Variants in MS4A13 observed in about 807,000 individuals in gnomAD.
MS4A13 encodes the protein membrane spanning 4-domains A13.
Under a neutral mutation model 18.4 loss-of-function variants are expected in MS4A13, and 21 were observed. The ratio of observed to expected loss-of-function variants is 1.14; its 90% CI spans 0.81 to 1.64. MS4A13 has a LOEUF of 1.64. MS4A13 is among the 40% of genes most tolerant of loss of function. MS4A13 has a pLI of 0.00. For missense variants in MS4A13, 173 were observed against 176.8 expected, an observed-to-expected ratio of 0.98 and a Z score of 0.12; for synonymous variants, 62 against 57.2, an observed-to-expected ratio of 1.08 and a Z score of -0.38.
At chr11:60,529,483 G>A in intron 6 of MS4A13, 23 bp downstream of exon 6, 12 of 1,395,256 alleles carry the variant, frequency 8.6e-6, no homozygotes, top group South Asian at 1.3e-5. Context: ...CCACTCTCTG[G>A]CAAATCAAAA....
intron 6 of MS4A13, among the ~76,000 whole-genome samples, chr11:60,538,333 C>A (rs1481231631): frequency 6.6e-6 from 1 of 151,494 alleles, no homozygotes; most frequent in Non-Finnish European, 1.5e-5. Flanking sequence ...GAGGAGTAAG[C>A]TTTAGGGATC....
At chr11:60,528,518 A>T (rs183452612) in intron 5 of MS4A13, among the ~76,000 whole-genome samples, 3 of 152,306 alleles carry the variant, frequency 2.0e-5, no homozygotes, top group East Asian at 3.9e-4. Flanking sequence ...TCAGGAAGTT[A>T]TGTGTCATTG....
chr11:60,541,646 T>G (rs1411771506), intron 6 of MS4A13, among the ~76,000 whole-genome samples: 1 of 152,120 alleles, frequency 6.6e-6, no homozygotes, highest in East Asian at 1.9e-4. Flanking sequence ...AAAATGACCA[T>G]TACCTTGAAG....
chr11:60,527,394 C>CTGTGTGTGTG (rs2086723640), intron 5 of MS4A13, among the ~76,000 whole-genome samples: 6 of 115,268 alleles, frequency 5.2e-5, no homozygotes, highest in African/African-American at 2.5e-4. Flanking sequence ...CTCTCTCTCT[C>CTGTGTGTGTG]TCTCTCTCTC....
chr11:60,525,432 T>A (rs1287256934), intron 5 of MS4A13, 106 bp downstream of exon 5: 1 of 728,326 alleles, frequency 1.4e-6, no homozygotes, highest in East Asian at 3.6e-5. Context: ...CTCATGAAAT[T>A]CTTTGATTTA....
chr11:60,541,021 G>A (rs1424075871), intron 6 of MS4A13, among the ~76,000 whole-genome samples: 2 of 150,884 alleles, frequency 1.3e-5, no homozygotes, highest in East Asian at 1.9e-4. Context: ...ATAATAAAAT[G>A]TCAGATATAA....
At chr11:60,516,580 C>T (rs2086638945) in intron 2 of MS4A13, among the ~76,000 whole-genome samples, 1 of 152,114 alleles carries the variant, frequency 6.6e-6, no homozygotes, top group East Asian at 1.9e-4. Flanking sequence ...AGGTTCTTAA[C>T]CTCTTTGGGG....
chr11:60,538,119 T>A (rs1201456849), intron 6 of MS4A13, among the ~76,000 whole-genome samples: 3 of 146,276 alleles, frequency 2.1e-5, no homozygotes, highest in Non-Finnish European at 4.5e-5. Flanking sequence ...ATGGCACATG[T>A]ATACATATGT....
rs111589926 is a variant in MS4A13, at chr11:60,530,998, A to G, written c.402+1538A>G. ...CCATGTGGAACTGTAAGTCAATTAA[A>G]CCTCTTTCCTTTATAAATTACCCAG... On this transcript the variant is annotated intron_variant, in intron 6 of 6. Transcript: ENST00000378186. Among the ~76,000 whole-genome samples, 1,212 of 152,122 alleles carry G rather than the reference A, an allele frequency of 8.0e-3. 20 individuals are homozygous for G. The highest frequency in any genetic ancestry group is 0.028 in the African/African-American group (1,167 of 41,472).
intron 3 of MS4A13, among the ~76,000 whole-genome samples, chr11:60,522,286 T>TTG (rs1198326142): frequency 5.8e-5 from 7 of 121,402 alleles, no homozygotes; most frequent in Middle Eastern, 4.1e-3. Context: ...ATGTGTGTGT[T>TTG]TGTGTGTGTG....
chr11:60,515,691 T>A (rs1017758450), intron 1 of MS4A13, 84 bp downstream of exon 1: 1 of 152,232 alleles, frequency 6.6e-6, no homozygotes, highest in Non-Finnish European at 1.5e-5. Context: ...CCTCTCCCTA[T>A]CATACTCTGT....
chr11:60,529,504 T>A (rs1407562064), intron 6 of MS4A13, 44 bp downstream of exon 6: 1 of 1,102,836 alleles, frequency 9.1e-7, no homozygotes, highest in Non-Finnish European at 1.3e-6. Context: ...GATGTTGATT[T>A]CTAGTAACTA....
downstream of MS4A13, among the ~76,000 whole-genome samples, chr11:60,543,393 T>C (rs1180736373): frequency 2.6e-5 from 4 of 152,186 alleles, no homozygotes; most frequent in South Asian, 4.1e-4. Context: ...ATGAATAATA[T>C]CTTAAGCTCT....
chr11:60,525,460 GA>G (rs1298855917), intron 5 of MS4A13, 134 bp downstream of exon 5: 3 of 535,706 alleles, frequency 5.6e-6, no homozygotes, highest in Admixed American at 7.9e-5. Context: ...GCTCTTGATT[GA>G]AAATTTTAAA....
chr11:60,516,295 A>G (rs764100399), intron 2 of MS4A13, among the ~76,000 whole-genome samples: 3 of 152,138 alleles, frequency 2.0e-5, no homozygotes, highest in Non-Finnish European at 4.4e-5. Context: ...ACCAACACAC[A>G]CAGGATAATA....
intron 3 of MS4A13, among the ~76,000 whole-genome samples, chr11:60,520,395 G>A (rs780139219): frequency 6.6e-6 from 1 of 152,080 alleles, no homozygotes; most frequent in African/African-American, 2.4e-5. Context: ...ACAAGGCAAG[G>A]TCCTCTCCAC....
intron 6 of MS4A13, among the ~76,000 whole-genome samples, chr11:60,541,232 A>G (rs1321661475): frequency 6.6e-6 from 1 of 152,208 alleles, no homozygotes; most frequent in African/African-American, 2.4e-5. Context: ...TAAAAATTAA[A>G]ATGTGCATAC....
intron 3 of MS4A13, among the ~76,000 whole-genome samples, chr11:60,522,818 CTG>C (rs977023633): frequency 2.6e-5 from 4 of 152,100 alleles, no homozygotes; most frequent in East Asian, 1.9e-4. Flanking sequence ...AGGAGAAAAA[CTG>C]TGGATTTTCC....
In MS4A13 at chr11:60,527,408, C is replaced by CTGTGTGTG. The variant is rs1275890708; in HGVS notation, c.307-1956_307-1955insGTGTGTGT. Among the ~76,000 whole-genome samples the CTGTGTGTG allele has an allele frequency of 5.6e-4, 20 of 35,550 alleles. 1 individual carries two copies. The highest frequency in any genetic ancestry group is 1.1e-3 in the East Asian group (1 of 912). 23.3% of individuals were successfully genotyped at this position (35,550 alleles called of 152,430 possible). On this transcript the variant is annotated intron_variant, in intron 5 of 6. Coordinates refer to ENST00000378186, the MANE Select transcript of MS4A13 (RefSeq NM_001012417.3). ...TCTCTCTCTCTCTCTCTCTCTCTCT[C>CTGTGTGTG]TCTGTGTGTGTGTGTGTGTGTGTGT...
Sources: gnomAD v4.1 joint callset for allele counts (sites outside exome capture counted in the v4.1 genomes callset) on GRCh38, gnomAD v4.1.1 for gene constraint, MANE v1.5 for transcripts, NCBI Gene and HGNC (gene_info 2026-07-23, HGNC 2026-07-21) for gene names.